Variants in EXD3 observed in about 807,000 individuals in gnomAD.
EXD3 encodes exonuclease mut-7 homolog.
EXD3 carries 92 observed loss-of-function variants against 98.0 expected under a neutral mutation model. That is an observed-to-expected ratio of 0.94 (90% CI 0.79 to 1.12). The LOEUF (loss-of-function observed/expected upper bound fraction) is 1.12. EXD3 is among the 50% of genes most tolerant of loss of function. EXD3 has a pLI of 0.00. For missense variants in EXD3, 1,222 were observed against 1,191.6 expected (o/e 1.03, Z -0.38); for synonymous variants, 569 against 526.0 (o/e 1.08, Z -1.12).
intron 7 of EXD3, 107 bp from the exon 8 acceptor site, chr9:137,356,475 A>C: frequency 1.3e-6 from 1 of 760,826 alleles, no homozygotes; most frequent in Non-Finnish European, 2.2e-6. Context: ...ACCTCAAGTG[A>C]GGTTTATAAG....
At chr9:137,370,665 C>T (rs982058528) in intron 5 of EXD3, among the ~76,000 whole-genome samples, 2 of 151,536 alleles carry the variant, frequency 1.3e-5, no homozygotes, top group African/African-American at 4.8e-5. Flanking sequence ...GAAGGGCATT[C>T]CCCGGCTCCC....
chr9:137,414,623 GGTCT>G (rs1241482741), intron 1 of EXD3, among the ~76,000 whole-genome samples: 4 of 152,040 alleles, frequency 2.6e-5, no homozygotes, highest in Admixed American at 6.6e-5. Context: ...CGCCTGTTGC[GGTCT>G]GTCTTTCGTT....
At chr9:137,391,053 C>A (rs1262162059) in intron 2 of EXD3, among the ~76,000 whole-genome samples, 1 of 152,190 alleles carries the variant, frequency 6.6e-6, no homozygotes, top group Non-Finnish European at 1.5e-5. Flanking sequence ...GTGGCCTGCT[C>A]GGCATGGAGA....
chr9:137,388,886 T>G (rs1316415959), intron 2 of EXD3, among the ~76,000 whole-genome samples: 2 of 152,010 alleles, frequency 1.3e-5, no homozygotes, highest in African/African-American at 4.8e-5. Flanking sequence ...TGTCCACGGG[T>G]CCAGGCACCT....
rs1834374122 is a variant in EXD3, at chr9:137,352,726, T to C, written c.931A>G (p.Ser311Gly). The C allele has an allele frequency of 6.4e-7, 1 of 1,573,812 alleles. No homozygotes were observed. The highest frequency in any genetic ancestry group is 8.6e-7 in the Non-Finnish European group (1 of 1,161,368). Residue 311 changes from serine to glycine, a missense_variant, in exon 11 of 22, where the codon AGT becomes GGT. Coordinates refer to ENST00000340951, the MANE Select transcript of EXD3 (RefSeq NM_017820.5). ...CACTGGGCGGCCGTGACTGGGTCAC[T>C]GTGGGAGACCAGCAGCTGAGACAGC... ...EQLSQLLVSH[S>G]DPVTAAQCAM...
At chr9:137,351,223 A>C in intron 13 of EXD3, 76 bp from the exon 14 acceptor site, 1 of 1,521,814 alleles carries the variant, frequency 6.6e-7, no homozygotes, top group Middle Eastern at 1.7e-4. Flanking sequence ...GGGTGCACCC[A>C]GCACCCTCCC....
At chr9:137,352,472 C>T (rs1284750090) in intron 11 of EXD3, 148 bp downstream of exon 11, 1 of 958,502 alleles carries the variant, frequency 1.0e-6, no homozygotes, top group Non-Finnish European at 1.5e-6. Context: ...GCTGTCTTGT[C>T]TGCTCTGTGT....
In EXD3 at chr9:137,385,039, C is replaced by T. The variant is rs1836513749; in HGVS notation, c.56-1662G>A. 6.6e-6 allele frequency among the ~76,000 whole-genome samples: 1 copy of T among 152,128 alleles called. No homozygotes were observed. Among genetic ancestry groups the T allele is most frequent in the African/African-American group, 2.4e-5 (1 of 41,446 alleles). ...CCCGGGAGGCGGAGGTCGCAGTGAGCCGAGATCGGGCCACTGCACTCCAGC... is the reference window on the plus strand; with the variant it reads ...CCCGGGAGGCGGAGGTCGCAGTGAGTCGAGATCGGGCCACTGCACTCCAGC... On this transcript the variant is annotated intron_variant, in intron 2 of 21. Transcript: ENST00000340951. This position sits in a 1 kb window ranked among gnomAD's most constrained non-coding sequence, Gnocchi z 4.4.
intron 3 of EXD3, among the ~76,000 whole-genome samples, chr9:137,378,194 A>G (rs1588385728): frequency 6.6e-6 from 1 of 150,718 alleles, no homozygotes; most frequent in East Asian, 1.9e-4. Context: ...CCAAAGATTT[A>G]TTTGTTTATT....
chr9:137,341,168 T>C (rs1833638971), intron 17 of EXD3, among the ~76,000 whole-genome samples: 1 of 152,160 alleles, frequency 6.6e-6, no homozygotes, highest in Non-Finnish European at 1.5e-5. Context: ...ATTTTAAACA[T>C]TAGCTGGGTG....
intron 19 of EXD3, among the ~76,000 whole-genome samples, chr9:137,314,422 G>A (rs1831530240): frequency 6.6e-6 from 1 of 152,176 alleles, no homozygotes; most frequent in African/African-American, 2.4e-5. Context: ...CTGGCCCCTG[G>A]GGAGGTGTGT....
chr9:137,410,158 G>A (rs1216932581), intron 1 of EXD3, among the ~76,000 whole-genome samples: 1 of 151,950 alleles, frequency 6.6e-6, no homozygotes, highest in East Asian at 1.9e-4. Context: ...CTGGGCAACA[G>A]GAGCTAAACT....
intron 19 of EXD3, among the ~76,000 whole-genome samples, chr9:137,320,545 A>C (rs1402992394): frequency 6.6e-6 from 1 of 152,180 alleles, no homozygotes; most frequent in Non-Finnish European, 1.5e-5. Context: ...TGGGTGGCAG[A>C]GTGGCATCAG....
chr9:137,368,195 G>A (rs78191769), intron 5 of EXD3, among the ~76,000 whole-genome samples: 4,002 of 152,360 alleles, frequency 0.026, 113 homozygotes, highest in Middle Eastern at 0.071. Flanking sequence ...CCTTGCATAG[G>A]CTGGGACAGG....
At chr9:137,365,840 G>A in intron 7 of EXD3, 1 of 346,128 alleles carries the variant, frequency 2.9e-6, no homozygotes, top group South Asian at 2.1e-5. Context: ...ATACACACCT[G>A]CACAAACGAA....
chr9:137,366,815 G>A (rs1835284715), intron 6 of EXD3, among the ~76,000 whole-genome samples, 183 bp from the exon 7 acceptor site: 1 of 152,210 alleles, frequency 6.6e-6, no homozygotes, highest in East Asian at 1.9e-4. Flanking sequence ...CTCCTGCTGG[G>A]CTCTGTGGCC....
At chr9:137,383,635 G>C (rs1392048983) in intron 2 of EXD3, among the ~76,000 whole-genome samples, 1 of 152,230 alleles carries the variant, frequency 6.6e-6, no homozygotes. Context: ...ACCACGCTCA[G>C]CCCTGGGAGC....
intron 10 of EXD3, chr9:137,353,543 T>C: frequency 2.0e-6 from 2 of 986,088 alleles, no homozygotes; most frequent in Non-Finnish European, 2.4e-6. Context: ...TGGGTGGCAA[T>C]GACCAAGGGG....
Position 137,349,556 on chromosome 9 carries a change from T to C in EXD3, c.1495-25A>G. 6.5e-7 allele frequency: 1 copy of C among 1,540,214 alleles called. No individual in the cohort carries two copies. Among genetic ancestry groups the C allele is most frequent in the East Asian group, 2.3e-5 (1 of 43,464 alleles). ...TCTGCTAAGACAGTGCCCTGCAGGG[T>C]AACGCGTCTGGCCCTGGCGGCAGCA... On this transcript the variant is annotated intron_variant, in intron 14 of 21. Coordinates refer to ENST00000340951, the MANE Select transcript of EXD3 (RefSeq NM_017820.5). This position sits in a 1 kb window ranked among gnomAD's most constrained non-coding sequence, Gnocchi z 7.4.
Sources: gnomAD v4.1 joint callset for allele counts (sites outside exome capture counted in the v4.1 genomes callset) on GRCh38, gnomAD v4.1.1 for gene constraint, Gnocchi (gnomAD v3.1) non-coding constraint, MANE v1.5 for transcripts, NCBI Gene and HGNC (gene_info 2026-07-23, HGNC 2026-07-21) for gene names.